Variants in SMYD1 observed in about 807,000 individuals in gnomAD.
The protein encoded by SMYD1 is histone-lysine N-methyltransferase SMYD1.
SMYD1 carries 49 observed loss-of-function variants against 54.0 expected under a neutral mutation model. That is an observed-to-expected ratio of 0.91 (90% confidence interval 0.72 to 1.15). The LOEUF (loss-of-function observed/expected upper bound fraction) is 1.15, where lower values mean the gene tolerates loss of function less well. SMYD1 is among the 50% of genes most tolerant of loss of function. The pLI is 0.00. For missense variants in SMYD1, 653 were observed against 639.6 expected, an observed-to-expected ratio of 1.02 and a Z score of -0.23; for synonymous variants, 269 against 234.2, an observed-to-expected ratio of 1.15 and a Z score of -1.36.
chr2:88,108,019 C>T (rs527465774), intron 8 of SMYD1, among the ~76,000 whole-genome samples: 11 of 152,248 alleles, frequency 7.2e-5, no homozygotes, highest in Non-Finnish European at 1.5e-4. Flanking sequence ...AGAAATCATT[C>T]GTCTTCTGCG....
chr2:88,086,186 G>A (rs941401676), intron 2 of SMYD1, among the ~76,000 whole-genome samples: 1 of 152,138 alleles, frequency 6.6e-6, no homozygotes, highest in African/African-American at 2.4e-5. Context: ...TGTTACCATT[G>A]GAGAAAACTG....
At chr2:88,096,284 A>G (rs2970910) in intron 5 of SMYD1, among the ~76,000 whole-genome samples, 54,034 of 152,086 alleles carry the variant, frequency 0.36, 9,741 homozygotes, top group Middle Eastern at 0.46. Flanking sequence ...AAAAAGTAAA[A>G]GGAGGCTTAC....
At chr2:88,096,551 GT>G in intron 5 of SMYD1, 43 bp from the exon 6 acceptor site, 2 of 1,535,192 alleles carry the variant, frequency 1.3e-6, no homozygotes, top group Admixed American at 1.8e-5. Context: ...TCCCATTCCA[GT>G]AGGCCTGGAT....
At chr2:88,079,806 G>A (rs1040642058) in intron 1 of SMYD1, among the ~76,000 whole-genome samples, 1 of 152,158 alleles carries the variant, frequency 6.6e-6, no homozygotes, top group South Asian at 2.1e-4. Context: ...GGGCTACAGA[G>A]TGTGACTCCA....
chr2:88,103,247 AG>A (rs899885138), intron 7 of SMYD1, 97 bp downstream of exon 7: 7 of 624,712 alleles, frequency 1.1e-5, no homozygotes, highest in Admixed American at 2.4e-5. Context: ...GCGGCGGGGG[AG>A]GGGGGCTACC....
chr2:88,107,597 C>T (rs1240750652), intron 8 of SMYD1, among the ~76,000 whole-genome samples: 1 of 152,174 alleles, frequency 6.6e-6, no homozygotes, highest in Non-Finnish European at 1.5e-5. Flanking sequence ...CCTCCCAGTT[C>T]GAGCTTCCCA....
intron 3 of SMYD1, among the ~76,000 whole-genome samples, chr2:88,090,075 C>T (rs192380952): frequency 7.2e-5 from 11 of 152,250 alleles, no homozygotes; most frequent in African/African-American, 2.6e-4. Flanking sequence ...GATGGGAAAA[C>T]CAGGGCTCAG....
chr2:88,108,028 C>T (rs572486250), intron 8 of SMYD1, among the ~76,000 whole-genome samples: 5 of 152,360 alleles, frequency 3.3e-5, no homozygotes, highest in African/African-American at 7.2e-5. Flanking sequence ...TCGTCTTCTG[C>T]GTCGCTGACG....
chr2:88,089,466 T>C (rs1023839066), intron 3 of SMYD1, among the ~76,000 whole-genome samples: 2 of 152,102 alleles, frequency 1.3e-5, no homozygotes, highest in African/African-American at 4.8e-5. Flanking sequence ...ATTTCTATTT[T>C]ATAGAACAGA....
At chr2:88,085,777 G>A (rs1460653945) in intron 2 of SMYD1, among the ~76,000 whole-genome samples, 1 of 152,294 alleles carries the variant, frequency 6.6e-6, no homozygotes, top group South Asian at 2.1e-4. Flanking sequence ...TGGGCTCCCT[G>A]TGAAGACACC....
chr2:88,082,178 C>G (rs1674213494), intron 1 of SMYD1, among the ~76,000 whole-genome samples: 1 of 152,088 alleles, frequency 6.6e-6, no homozygotes, highest in African/African-American at 2.4e-5. Flanking sequence ...GGCTGCATAT[C>G]CTGCGCAGTT....
At position 88,096,258 on chromosome 2, in the gene SMYD1, C is replaced by T. The variant is rs7567091; in HGVS notation, c.699-337C>T. Among the ~76,000 whole-genome samples, 779 of 152,256 alleles carry T rather than the reference C, an allele frequency of 5.1e-3. 10 individuals carry two copies. Among genetic ancestry groups the T allele is most frequent in the African/African-American group, 0.018 (749 of 41,552 alleles). ...TTATTATTTCTCCCTTCCTTTGTTA[C>T]AGACAATCAGTAGCTAAAAAGTAAA... On this transcript the variant is annotated intron_variant, in intron 5 of 9. Transcript: ENST00000419482.
chr2:88,110,200 A>AGAGTGTGTGTGT (rs139694354), intron 9 of SMYD1, among the ~76,000 whole-genome samples, 154 bp from the exon 10 acceptor site: 17,343 of 138,826 alleles, frequency 0.12, 1,205 homozygotes, highest in Admixed American at 0.17. Flanking sequence ...TTGATGAATG[A>AGAGTGTGTGTGT]GTGTGTGTGT....
intron 7 of SMYD1, among the ~76,000 whole-genome samples, chr2:88,103,969 CTTT>C (rs111800051): frequency 3.5e-5 from 5 of 142,230 alleles, no homozygotes; most frequent in Non-Finnish European, 3.1e-5. Flanking sequence ...ATTTCTATTT[CTTT>C]TTTTTTTTTT....
chr2:88,075,432 G>A (rs1207604021), intron 1 of SMYD1, among the ~76,000 whole-genome samples: 1 of 151,910 alleles, frequency 6.6e-6, no homozygotes, highest in Non-Finnish European at 1.5e-5. Flanking sequence ...TGTGAGCTGT[G>A]GCAGAGAAAA....
At chr2:88,085,878 GT>G (rs1674312874) in intron 2 of SMYD1, among the ~76,000 whole-genome samples, 2 of 152,200 alleles carry the variant, frequency 1.3e-5, no homozygotes, top group African/African-American at 4.8e-5. Flanking sequence ...GATGAAAAAC[GT>G]TCTGGAAACA....
At chr2:88,076,283 C>A (rs1006828541) in intron 1 of SMYD1, among the ~76,000 whole-genome samples, 11 of 152,258 alleles carry the variant, frequency 7.2e-5, no homozygotes, top group African/African-American at 2.2e-4. Context: ...GGCGTGATTT[C>A]GGCTCACCGC....
intron 1 of SMYD1, 78 bp from the exon 2 acceptor site, chr2:88,084,238 G>T: frequency 7.8e-7 from 1 of 1,287,584 alleles, no homozygotes; most frequent in South Asian, 1.7e-5. Context: ...ACCAGTACTG[G>T]AACACAGGTG....
chr2:88,073,916 C>T (rs933935900), intron 1 of SMYD1, among the ~76,000 whole-genome samples: 1 of 152,098 alleles, frequency 6.6e-6, no homozygotes, highest in African/African-American at 2.4e-5. Context: ...ATATGCATAA[C>T]TCATTTGTTT....
Sources: gnomAD v4.1 joint callset for allele counts (sites outside exome capture counted in the v4.1 genomes callset) on GRCh38, gnomAD v4.1.1 for gene constraint, MANE v1.5 for transcripts, NCBI Gene and HGNC (gene_info 2026-07-23, HGNC 2026-07-21) for gene names.